The following C8B variants were observed in gnomAD, a reference collection of about 807,000 sequenced individuals.
C8B encodes the protein complement component C8 beta chain.
In C8B, 67 loss-of-function variants were observed where a neutral mutation model predicts 64.6. The ratio of observed to expected loss-of-function variants is 1.04; its 90% CI spans 0.85 to 1.27. The LOEUF (loss-of-function observed/expected upper bound fraction) is 1.27, where lower values mean the gene tolerates loss of function less well. C8B is among the 50% of genes most tolerant of loss of function. The pLI is 0.00. For missense variants in C8B, 790 were observed against 725.2 expected (o/e 1.09, Z -1.03); for synonymous variants, 284 against 257.7 (o/e 1.10, Z -0.98).
At chr1:56,931,961 T>G in intron 10 of C8B, 83 bp from the exon 11 acceptor site, 51 of 890,212 alleles carry the variant, frequency 5.7e-5, no homozygotes, top group Middle Eastern at 2.5e-4. Context: ...ATCACTGCAG[T>G]TCCATCAGGT....
In C8B at chr1:56,933,319, T is replaced by G. The variant is rs1362583995; in HGVS notation, c.1552+16A>C. On this transcript the variant is annotated intron_variant, in intron 10 of 11. Transcript: ENST00000371237. Reference sequence around the variant, plus strand: ...TATGGCTTCCACCAGGGACACCAGCTGCCTGAAAGTGGTACCTTTCAGGAC... The same window carrying G: ...TATGGCTTCCACCAGGGACACCAGCGGCCTGAAAGTGGTACCTTTCAGGAC... 1.2e-6 allele frequency: 2 copies of G among 1,609,806 alleles called. No homozygotes were observed. The highest frequency in any genetic ancestry group is 1.3e-5 in the African/African-American group (1 of 74,944).
chr1:56,954,520 TG>T (rs1370601799), intron 4 of C8B, among the ~76,000 whole-genome samples, 165 bp downstream of exon 4: 1 of 152,202 alleles, frequency 6.6e-6, no homozygotes, highest in Admixed American at 6.5e-5. Flanking sequence ...TGGAGCTGCT[TG>T]GAACTGCCCT....
chr1:56,941,717 G>A (rs1482097661), intron 8 of C8B, among the ~76,000 whole-genome samples: 1 of 152,150 alleles, frequency 6.6e-6, no homozygotes, highest in African/African-American at 2.4e-5. Flanking sequence ...ACTTGCCAAG[G>A]CCCACACAGC....
At chr1:56,965,369 TGTG>T (rs1645238176) in intron 1 of C8B, among the ~76,000 whole-genome samples, 1 of 139,134 alleles carries the variant, frequency 7.2e-6, no homozygotes, top group Admixed American at 7.6e-5. Flanking sequence ...CTGGGAACCT[TGTG>T]GGGGGTGAGA....
Position 56,949,673 on chromosome 1 carries a change from G to T in C8B, c.746C>A (p.Ala249Glu), listed in dbSNP as rs1332870010. 6.2e-7 allele frequency: 1 copy of T among 1,613,800 alleles called. No individual in the cohort carries two copies. The change falls in exon 6 of 12, where the codon GCA (alanine) becomes GAA (glutamate). Residue 249 changes from alanine (A) to glutamate (E), a missense_variant. By Grantham distance (107) the Ala-to-Glu change is moderately radical (BLOSUM62 -1). Coordinates refer to ENST00000371237, the MANE Select transcript of C8B (RefSeq NM_000066.4). The stretch of plus-strand genomic sequence containing the variant: ...ACCAAAACTGAAACCAGACTTGCTT[G>T]CCATTTTCTCTGTGACATTGCGTTC... ...DFERNVTEKM[A>E]SKSGFSFGFK...
Position 56,929,466 on chromosome 1 carries a change from G to A in C8B, c.1714C>T (p.Pro572Ser). 6.2e-7 allele frequency: 1 copy of A among 1,613,154 alleles called. No homozygotes were observed. The highest frequency in any genetic ancestry group is 8.5e-7 in the Non-Finnish European group (1 of 1,179,920). The stretch of plus-strand genomic sequence containing the variant: ...CAGGGGCTACCCCCATTTTGAGGAG[G>A]TGGATTGTTACACTGCCTTTGTCTT... ...KTRQRQCNNP[P>S]PQNGGSPCSG... is the part of the protein sequence containing the mutation. Residue 572 changes from proline (P) to serine (S), a missense_variant, in exon 12 of 12, where the codon CCT becomes TCT. Transcript: ENST00000371237.
intron 9 of C8B, among the ~76,000 whole-genome samples, chr1:56,938,730 C>T (rs1476710020): frequency 1.3e-5 from 2 of 152,168 alleles, no homozygotes; most frequent in Admixed American, 1.3e-4. Context: ...GACTGGTTTA[C>T]ATAATTAAGC....
chr1:56,930,154 A>G (rs759096252), intron 11 of C8B, among the ~76,000 whole-genome samples: 7 of 152,192 alleles, frequency 4.6e-5, no homozygotes, highest in Non-Finnish European at 8.8e-5. Context: ...GTTCCCACCT[A>G]TAGGATGCTG....
intron 1 of C8B, among the ~76,000 whole-genome samples, chr1:56,962,137 G>A (rs567008600): frequency 6.6e-6 from 1 of 152,306 alleles, no homozygotes; most frequent in East Asian, 1.9e-4. Flanking sequence ...TAGCTATTAA[G>A]AGTCACAATT....
intron 11 of C8B, among the ~76,000 whole-genome samples, chr1:56,929,822 G>A (rs544992780): frequency 4.3e-4 from 66 of 152,244 alleles, no homozygotes; most frequent in Non-Finnish European, 6.8e-4. Context: ...CAGTAAAAGT[G>A]TTATTTCCTC....
chr1:56,940,836 C>A lies in C8B; in HGVS notation c.1398+13G>T, dbSNP rs376529113. 5.0e-6 allele frequency: 8 copies of A among 1,613,844 alleles called. No homozygotes were observed. The African/African-American group carries it at 1.1e-4, about 22-fold the overall frequency. On this transcript the variant is annotated intron_variant, in intron 9 of 11. Coordinates refer to ENST00000371237, the MANE Select transcript of C8B (RefSeq NM_000066.4). ...TGGGTGGAGGAAAGGATGGGTAGAG[C>A]AGCGTTGTGTACCTTAACTTTGATG...
chr1:56,934,107 T>A (rs1644741592), intron 9 of C8B, among the ~76,000 whole-genome samples: 5 of 151,902 alleles, frequency 3.3e-5, no homozygotes, highest in African/African-American at 1.2e-4. Context: ...ACAAATCCCA[T>A]GTTTTTTATT....
chr1:56,955,436 C>T lies in C8B; in HGVS notation c.392-609G>A, dbSNP rs114166761. Among the ~76,000 whole-genome samples the T allele has an allele frequency of 4.7e-3, 710 of 152,274 alleles. 5 individuals are homozygous for T. Among genetic ancestry groups the T allele is most frequent in the African/African-American group, 0.016 (668 of 41,536 alleles). On this transcript the variant is annotated intron_variant, in intron 3 of 11. Coordinates refer to ENST00000371237, the MANE Select transcript of C8B (RefSeq NM_000066.4). ...TGGATTATGAAAAATTATTTGCATC[C>T]CTTTTGCTTCCTTTAAACTTTTTCC...
At position 56,964,063 on chromosome 1, in the gene C8B, G is replaced by A. The variant is rs1645216911; in HGVS notation, c.92+1794C>T. ...AGAACTATACCCAGATTCAGGTAAG[G>A]GTTTGAAAACCTCACCACACATGCG... On this transcript the variant is annotated intron_variant, in intron 1 of 11. Transcript: ENST00000371237. The A allele has an allele frequency of 3.1e-6, 3 of 962,808 alleles. No homozygotes were observed. In the South Asian group the frequency reaches 1.4e-4, roughly 46 times the overall value. 59.6% of individuals were successfully genotyped at this position (962,808 alleles called of 1,614,324 possible).
At chr1:56,930,065 C>G (rs191931900) in intron 11 of C8B, among the ~76,000 whole-genome samples, 6 of 152,302 alleles carry the variant, frequency 3.9e-5, no homozygotes, top group Admixed American at 1.3e-4. Context: ...GGCAGGCAAA[C>G]AGGAGGCCCT....
rs1645109307 is a variant in C8B, at chr1:56,956,768, C to A, written c.391+1G>T. 6.2e-7 allele frequency: 1 copy of A among 1,613,950 alleles called. No individual in the cohort carries two copies. The highest frequency in any genetic ancestry group is 1.6e-4 in the Middle Eastern group (1 of 6,062). On this transcript the variant is annotated splice_donor_variant, in intron 3 of 11. Transcript: ENST00000371237. LOFTEE classifies it high-confidence loss of function. ...CCTCTTACTCCTACATTGATTTATACCTGTCTGTGCACACACAAAGCCTTC... is the reference window on the plus strand; with the variant it reads ...CCTCTTACTCCTACATTGATTTATAACTGTCTGTGCACACACAAAGCCTTC...
At chr1:56,956,284 C>T (rs987771540) in intron 3 of C8B, among the ~76,000 whole-genome samples, 4 of 152,196 alleles carry the variant, frequency 2.6e-5, no homozygotes, top group African/African-American at 7.2e-5. Flanking sequence ...GCTCTCATAG[C>T]TATGATGTCA....
intron 9 of C8B, among the ~76,000 whole-genome samples, chr1:56,934,907 G>C (rs1644754650): frequency 6.6e-6 from 1 of 152,156 alleles, no homozygotes; most frequent in Non-Finnish European, 1.5e-5. Flanking sequence ...AACCAAAAAG[G>C]CATTTTCCTA....
rs977779357 is a variant in C8B at position 56,943,840 on chromosome 1, A to G, written c.1106-16T>C. 6.2e-7 allele frequency: 1 copy of G among 1,610,372 alleles called. No individual in the cohort carries two copies. Among genetic ancestry groups the G allele is most frequent in the Admixed American group, 1.7e-5 (1 of 59,962 alleles). ...AGAGTATAATCTGAAGAAAACAAGGAAAAAGGTCCATGACGTAAAAGGTAG... is the reference window on the plus strand; with the variant it reads ...AGAGTATAATCTGAAGAAAACAAGGGAAAAGGTCCATGACGTAAAAGGTAG... On this transcript the variant is annotated splice_polypyrimidine_tract_variant and intron_variant, in intron 7 of 11. Transcript: ENST00000371237.
Sources: gnomAD v4.1 joint callset for allele counts (sites outside exome capture counted in the v4.1 genomes callset) on GRCh38, gnomAD v4.1.1 for gene constraint, MANE v1.5 for transcripts, NCBI Gene and HGNC (gene_info 2026-07-23, HGNC 2026-07-21) for gene names.